LAT2: variants seen among roughly 807,000 people sequenced by gnomAD.
The protein encoded by LAT2 is linker for activation of T cells family member 2.
LAT2 carries 23 observed loss-of-function variants against 43.4 expected under a neutral mutation model. That is an observed-to-expected ratio of 0.53 (90% CI 0.38 to 0.75). The LOEUF is 0.75. LAT2 is among the 30% of genes least tolerant of loss of function. The pLI, the probability that LAT2 is intolerant of heterozygous loss-of-function variation, is 0.00. For missense variants in LAT2, 284 were observed against 310.2 expected (o/e 0.92, Z 0.64); for synonymous variants, 128 against 123.2 (o/e 1.04, Z -0.26).
rs534112540 is a variant in LAT2, at chr7:74,222,108, G to A, written c.388+416G>A. On this transcript the variant is annotated intron_variant, in intron 10 of 13. Coordinates refer to ENST00000460943, the MANE Select transcript of LAT2 (RefSeq NM_032464.3). ...TTATAGGAAGGGCAACTGAGAGGCC[G>A]GGTGTGGTGGCTCACCCCTGTAATC... is the stretch of plus-strand genomic sequence containing the variant. Among the ~76,000 whole-genome samples, 4 of 151,818 alleles carry A rather than the reference G, an allele frequency of 2.6e-5. No homozygotes were observed. The South Asian group carries it at 6.3e-4, about 24-fold the overall frequency.
chr7:74,226,233 G>A (rs1015789701), intron 13 of LAT2: 1 of 152,076 alleles, frequency 6.6e-6, no homozygotes, highest in African/African-American at 2.4e-5. Flanking sequence ...CACCTCCTGG[G>A]TTCAAGCGAT....
chr7:74,222,582 AT>A (rs797030417), intron 10 of LAT2, among the ~76,000 whole-genome samples: 39 of 145,944 alleles, frequency 2.7e-4, no homozygotes, highest in Non-Finnish European at 3.9e-4. Flanking sequence ...TGCCACCTCC[AT>A]TTTTTTTTTG....
rs2302003 is a variant in LAT2 at position 74,219,425 on chromosome 7, C to T, written c.135-319C>T. On this transcript the variant is annotated intron_variant, in intron 4 of 13. Coordinates refer to ENST00000460943, the MANE Select transcript of LAT2 (RefSeq NM_032464.3). ...CCCTGTCCACAGACCCCTCCTGACCCGTCTCCAGGGGCCTGGGACCCACCG... is the reference window on the plus strand; with the variant it reads ...CCCTGTCCACAGACCCCTCCTGACCTGTCTCCAGGGGCCTGGGACCCACCG... 6.2e-4 allele frequency among the ~76,000 whole-genome samples: 95 copies of T among 152,308 alleles called. 1 individual carries two copies. In the East Asian group the frequency reaches 0.017, roughly 27 times the overall value.
intron 4 of LAT2, among the ~76,000 whole-genome samples, 195 bp downstream of exon 4, chr7:74,217,059 T>A (rs1456403109): frequency 6.6e-6 from 1 of 152,090 alleles, no homozygotes; most frequent in Non-Finnish European, 1.5e-5. Flanking sequence ...TAGCTTGGGT[T>A]AGGGAGGGCT....
intron 9 of LAT2, among the ~76,000 whole-genome samples, chr7:74,221,001 G>T (rs1447110444): frequency 1.3e-5 from 2 of 152,166 alleles, no homozygotes; most frequent in Non-Finnish European, 2.9e-5. Context: ...TCAGGGGCGG[G>T]GGATAGAGAC....
At chr7:74,211,462 A>T (rs1801734828) in intron 1 of LAT2, among the ~76,000 whole-genome samples, 1 of 151,402 alleles carries the variant, frequency 6.6e-6, no homozygotes, top group South Asian at 2.1e-4. Context: ...TTTTTTATTT[A>T]TTTTTTATTT....
At chr7:74,218,288 ACT>A (rs1264084683) in intron 4 of LAT2, among the ~76,000 whole-genome samples, 2 of 151,814 alleles carry the variant, frequency 1.3e-5, no homozygotes, top group African/African-American at 4.8e-5. Context: ...CGTCTGACTG[ACT>A]CTCTCCTGTG....
In LAT2 at chr7:74,220,366, C is replaced by T; in HGVS notation, c.265+112C>T. ...GTGGGGGCTGCGGGGCCAGGCGAGGCCTCCCCAGGAGAGACACACAGGCTG... is the reference window on the plus strand; with the variant it reads ...GTGGGGGCTGCGGGGCCAGGCGAGGTCTCCCCAGGAGAGACACACAGGCTG... On this transcript the variant is annotated intron_variant, in intron 7 of 13. Transcript: ENST00000460943. The surrounding 1 kb of genome is among the most constrained non-coding windows in gnomAD (Gnocchi z 4.5). 1 of 1,346,028 alleles carries T rather than the reference C, an allele frequency of 7.4e-7. No individual in the cohort carries two copies. The highest frequency in any genetic ancestry group is 1.0e-6 in the Non-Finnish European group (1 of 961,040). 83.4% of individuals were successfully genotyped at this position (1,346,028 alleles called of 1,614,324 possible). A position where few individuals can be genotyped will look rare whatever the true frequency, so the allele number is the denominator to read the frequency against.
chr7:74,223,999 C>A lies in LAT2; in HGVS notation c.449-19C>A. ...TCTGTGGGACTGAGCCAAGGGGGGC[C>A]TATTCTCCCTCTCTGCAGGTGCCCA... On this transcript the variant is annotated intron_variant, in intron 11 of 13. Coordinates refer to ENST00000460943, the MANE Select transcript of LAT2 (RefSeq NM_032464.3). 6.2e-7 allele frequency: 1 copy of A among 1,610,926 alleles called. No individual in the cohort carries two copies. The highest frequency in any genetic ancestry group is 8.5e-7 in the Non-Finnish European group (1 of 1,178,722).
intron 1 of LAT2, among the ~76,000 whole-genome samples, 195 bp from the exon 2 acceptor site, chr7:74,214,627 T>TGA (rs1554713898): frequency 6.7e-5 from 1 of 14,876 alleles, no homozygotes; most frequent in Non-Finnish European, 1.0e-4. Context: ...TATATGAATA[T>TGA]ATATATATAT....
At chr7:74,224,527 G>A (rs539346893) in intron 12 of LAT2, 112 bp from the exon 13 acceptor site, 22 of 879,236 alleles carry the variant, frequency 2.5e-5, no homozygotes, top group African/African-American at 8.3e-5. Flanking sequence ...CCTGTCGGGC[G>A]TGGCATTTCC....
Position 74,214,165 on chromosome 7 carries a change from AAT to A in LAT2, c.-218-648_-218-647del, listed in dbSNP as rs1241650824. Among the ~76,000 whole-genome samples the A allele has an allele frequency of 8.9e-4, 88 of 98,332 alleles. 2 individuals are homozygous for A. The highest frequency in any genetic ancestry group is 3.3e-3 in the East Asian group (13 of 3,982). 64.5% of individuals were successfully genotyped at this position (98,332 alleles called of 152,430 possible). A position where few individuals can be genotyped will look rare whatever the true frequency, so the allele number is the denominator to read the frequency against. ...AAATATATATAAATATATATATGAA[AAT>A]ATATATATGAAAATATATATAAATA... On this transcript the variant is annotated intron_variant, in intron 1 of 13. Transcript: ENST00000460943.
At chr7:74,214,428 A>G (rs868975319) in intron 1 of LAT2, among the ~76,000 whole-genome samples, 1 of 64,442 alleles carries the variant, frequency 1.6e-5, no homozygotes, top group African/African-American at 6.4e-5. Context: ...ATATATATAT[A>G]TGAAAATATA....
intron 3 of LAT2, 109 bp downstream of exon 3, chr7:74,216,178 C>G (rs1802040785): frequency 1.1e-6 from 1 of 873,162 alleles, no homozygotes; most frequent in African/African-American, 1.7e-5. Flanking sequence ...TCAGATGAAC[C>G]TCGTGATGTG....
intron 1 of LAT2, among the ~76,000 whole-genome samples, chr7:74,214,173 TATGA>T (rs1801866066): frequency 3.8e-5 from 4 of 104,598 alleles, no homozygotes; most frequent in African/African-American, 8.8e-5. Flanking sequence ...AAAATATATA[TATGA>T]AAATATATAT....
At chr7:74,215,875 C>T (rs932402161) in intron 2 of LAT2, 72 bp from the exon 3 acceptor site, 11 of 1,052,442 alleles carry the variant, frequency 1.0e-5, no homozygotes, top group South Asian at 3.8e-5. Flanking sequence ...TGGGGCTGTC[C>T]GAGCACAGTG....
chr7:74,219,646 C>T, intron 4 of LAT2, 98 bp from the exon 5 acceptor site: 1 of 1,462,084 alleles, frequency 6.8e-7, no homozygotes, highest in South Asian at 1.1e-5. Flanking sequence ...CGTCCCTCTG[C>T]TTTCCCTCCT....
chr7:74,223,545 C>T lies in LAT2; in HGVS notation c.389-179C>T, dbSNP rs947817488. ...CTCAGGGAAGAGCATGCAGGGGCAC[C>T]AGGCCAGCACCCATTAGGAAGCTCA... is the stretch of plus-strand genomic sequence containing the variant. On this transcript the variant is annotated intron_variant, in intron 10 of 13. Transcript: ENST00000460943. 2.0e-5 allele frequency among the ~76,000 whole-genome samples: 3 copies of T among 152,194 alleles called. No homozygotes were observed. The South Asian group carries it at 6.2e-4, about 32-fold the overall frequency.
At position 74,220,086 on chromosome 7, in the gene LAT2, C is replaced by A; in HGVS notation, c.227+78C>A. The A allele has an allele frequency of 1.9e-6, 3 of 1,568,616 alleles. No individual in the cohort carries two copies. In the East Asian group the frequency reaches 6.8e-5, roughly 36 times the overall value. ...ACCTGGTGAGCCCAGGTCAAGACCTCCCTCCCTCCCCGAGTCCCAGAGCTC... is the reference window on the plus strand; with the variant it reads ...ACCTGGTGAGCCCAGGTCAAGACCTACCTCCCTCCCCGAGTCCCAGAGCTC... On this transcript the variant is annotated intron_variant, in intron 6 of 13. Transcript: ENST00000460943. This position sits in a 1 kb window ranked among gnomAD's most constrained non-coding sequence, Gnocchi z 4.5.
Sources: allele counts gnomAD v4.1 joint callset (sites outside exome capture counted in the v4.1 genomes callset), GRCh38; gene constraint gnomAD v4.1.1; non-coding constraint Gnocchi (gnomAD v3.1); transcripts MANE v1.5; gene names NCBI Gene and HGNC (gene_info 2026-07-23, HGNC 2026-07-21).